The following SLC2A13 variants were observed in gnomAD, a reference collection of about 807,000 sequenced individuals.
The protein encoded by SLC2A13 is solute carrier family 2 member 13.
A neutral mutation model predicts 64.4 loss-of-function variants in SLC2A13; 32 were observed. The observed-to-expected ratio is 0.50, with a 90% CI of 0.37 to 0.67. The LOEUF is 0.67. Ranked by LOEUF, SLC2A13 falls within the 30% of genes least tolerant of loss-of-function variation. The pLI is 0.00. For missense variants in SLC2A13, 743 were observed against 829.2 expected (o/e 0.90, Z 1.28); for synonymous variants, 338 against 327.1 (o/e 1.03, Z -0.36).
intron 3 of SLC2A13, among the ~76,000 whole-genome samples, chr12:39,975,075 T>C (rs1490798977): frequency 1.3e-5 from 2 of 152,224 alleles, no homozygotes; most frequent in Admixed American, 1.3e-4. Flanking sequence ...ATGCTTTTGC[T>C]AGGCCTGGAA....
At chr12:40,046,092 G>C (rs754531002) in intron 2 of SLC2A13, among the ~76,000 whole-genome samples, 1 of 152,112 alleles carries the variant, frequency 6.6e-6, no homozygotes, top group African/African-American at 2.4e-5. Flanking sequence ...CAAGTGCTAC[G>C]CTAAACACTT....
chr12:39,951,180 T>A (rs762511416), intron 4 of SLC2A13, 77 bp downstream of exon 4: 1 of 1,263,288 alleles, frequency 7.9e-7, no homozygotes, highest in Non-Finnish European at 1.1e-6. Context: ...AGTATTTACA[T>A]GAAATACTTT....
At chr12:39,998,128 C>T (rs1229263053) in intron 3 of SLC2A13, among the ~76,000 whole-genome samples, 1 of 152,176 alleles carries the variant, frequency 6.6e-6, no homozygotes, top group African/African-American at 2.4e-5. Flanking sequence ...CCCTAACACC[C>T]ATCAATCAGC....
intron 1 of SLC2A13, among the ~76,000 whole-genome samples, chr12:40,068,779 A>G (rs1464044631): frequency 6.6e-6 from 1 of 151,988 alleles, no homozygotes; most frequent in Non-Finnish European, 1.5e-5. Context: ...AAAAAAAATC[A>G]TAGACACAGC....
At chr12:39,798,371 C>T (rs1941653622) in intron 7 of SLC2A13, among the ~76,000 whole-genome samples, 1 of 152,124 alleles carries the variant, frequency 6.6e-6, no homozygotes, top group African/African-American at 2.4e-5. Context: ...GTTTTAGAGT[C>T]ACTTGTGGCA....
At chr12:40,018,303 G>A (rs968554388) in intron 3 of SLC2A13, among the ~76,000 whole-genome samples, 2 of 152,190 alleles carry the variant, frequency 1.3e-5, no homozygotes, top group Non-Finnish European at 2.9e-5. Flanking sequence ...AAAAAGCCAA[G>A]TATTACTATC....
At chr12:39,771,386 G>A (rs1238161325) in intron 7 of SLC2A13, among the ~76,000 whole-genome samples, 1 of 152,184 alleles carries the variant, frequency 6.6e-6, no homozygotes, top group Non-Finnish European at 1.5e-5. Context: ...GGAGAAGCAA[G>A]TCGCCATGCT....
chr12:39,962,184 C>T (rs572017758), intron 3 of SLC2A13, among the ~76,000 whole-genome samples: 37 of 152,256 alleles, frequency 2.4e-4, no homozygotes, highest in Non-Finnish European at 4.9e-4. Context: ...CTCTGCCTCC[C>T]GGTTCAAGTG....
chr12:39,781,870 A>G (rs1031517108), intron 7 of SLC2A13, among the ~76,000 whole-genome samples: 10 of 152,200 alleles, frequency 6.6e-5, no homozygotes, highest in Non-Finnish European at 1.2e-4. Flanking sequence ...GGGATTTAGG[A>G]CATTTGCCTG....
At chr12:39,946,170 G>A (rs1443813381) in intron 4 of SLC2A13, among the ~76,000 whole-genome samples, 4 of 152,200 alleles carry the variant, frequency 2.6e-5, no homozygotes, top group Non-Finnish European at 5.9e-5. Flanking sequence ...CTCCAGGCTG[G>A]TATTGCAGGT....
At chr12:40,072,691 C>A (rs528330907) in intron 1 of SLC2A13, among the ~76,000 whole-genome samples, 11 of 152,058 alleles carry the variant, frequency 7.2e-5, no homozygotes, top group Non-Finnish European at 1.5e-4. Flanking sequence ...TATAGCTAAT[C>A]CTATTTTCTT....
chr12:39,922,438 A>C (rs571153313), intron 4 of SLC2A13, among the ~76,000 whole-genome samples: 1 of 152,320 alleles, frequency 6.6e-6, no homozygotes, highest in East Asian at 1.9e-4. Flanking sequence ...GTCCCAAGTC[A>C]GATCAATAAG....
intron 7 of SLC2A13, among the ~76,000 whole-genome samples, chr12:39,818,246 G>A (rs11173704): frequency 0.057 from 8,693 of 151,930 alleles, 311 homozygotes; most frequent in East Asian, 0.15. Flanking sequence ...CTGAGGAGTT[G>A]ATTTTTGAAA....
intron 7 of SLC2A13, among the ~76,000 whole-genome samples, chr12:39,798,533 C>G (rs1447433481): frequency 6.6e-6 from 1 of 152,184 alleles, no homozygotes; most frequent in African/African-American, 2.4e-5. Context: ...AAATTTACAA[C>G]ATACTTATTA....
rs1461267480 is a variant in SLC2A13 at position 39,885,219 on chromosome 12, C to T, written c.1035-13258G>A. Among the ~76,000 whole-genome samples, 13 of 152,272 alleles carry T rather than the reference C, an allele frequency of 8.5e-5. No homozygotes were observed. The East Asian group carries it at 2.3e-3, about 27-fold the overall frequency. Reference sequence around the variant, plus strand: ...GAGCTAGGAAGGCCAACAGGACTGCCAGTACCCAAAGATTGAGGAAAACAC... The same window carrying T: ...GAGCTAGGAAGGCCAACAGGACTGCTAGTACCCAAAGATTGAGGAAAACAC... On this transcript the variant is annotated intron_variant, in intron 4 of 9. Coordinates refer to ENST00000280871, the MANE Select transcript of SLC2A13 (RefSeq NM_052885.4).
intron 4 of SLC2A13, among the ~76,000 whole-genome samples, chr12:39,898,298 C>G (rs532649540): frequency 1.3e-5 from 2 of 152,162 alleles, no homozygotes; most frequent in East Asian, 1.9e-4. Context: ...ATAAGACAAG[C>G]CTTATACACC....
intron 9 of SLC2A13, among the ~76,000 whole-genome samples, chr12:39,761,205 A>T (rs1008667432): frequency 1.3e-5 from 2 of 151,888 alleles, no homozygotes; most frequent in African/African-American, 4.8e-5. Context: ...ACTTCTGGAT[A>T]GTCATTTAAC....
At chr12:39,812,771 G>A (rs967098270) in intron 7 of SLC2A13, among the ~76,000 whole-genome samples, 32 of 148,158 alleles carry the variant, frequency 2.2e-4, no homozygotes, top group Admixed American at 1.3e-3. Flanking sequence ...TGCACCTGGC[G>A]GTTTCTAATT....
intron 1 of SLC2A13, among the ~76,000 whole-genome samples, chr12:40,084,012 A>G (rs1245833284): frequency 6.6e-6 from 1 of 152,236 alleles, no homozygotes; most frequent in Non-Finnish European, 1.5e-5. Flanking sequence ...TACTGTACAC[A>G]GTACCAATAC....
Sources: allele counts gnomAD v4.1 joint callset (sites outside exome capture counted in the v4.1 genomes callset), GRCh38; gene constraint gnomAD v4.1.1; transcripts MANE v1.5; gene names NCBI Gene and HGNC (gene_info 2026-07-23, HGNC 2026-07-21).